SELENOP: variants seen among roughly 807,000 people sequenced by gnomAD.
SELENOP encodes selenoprotein P, plasma, 1.
Under a neutral mutation model 41.0 loss-of-function variants are expected in SELENOP, and 36 were observed. The observed-to-expected ratio is 0.88, with a 90% CI of 0.67 to 1.16. The LOEUF (loss-of-function observed/expected upper bound fraction) is 1.16. SELENOP is among the 50% of genes most tolerant of loss of function. The pLI is 0.00. For missense variants in SELENOP, 440 were observed against 454.2 expected, an observed-to-expected ratio of 0.97 and a Z score of 0.28; for synonymous variants, 144 against 150.8, an observed-to-expected ratio of 0.95 and a Z score of 0.33.
At chr5:42,809,642 A>G (rs1475585680) in intron 1 of SELENOP, 2 of 202,492 alleles carry the variant, frequency 9.9e-6, no homozygotes, top group Non-Finnish European at 1.8e-5. Flanking sequence ...GCCCAGAATT[A>G]AGAGAAGAAT....
At chr5:42,811,620 A>G (rs947137845) in intron 1 of SELENOP, among the ~76,000 whole-genome samples, 4 of 152,256 alleles carry the variant, frequency 2.6e-5, no homozygotes, top group Non-Finnish European at 4.4e-5. Flanking sequence ...AAGACAGGGC[A>G]GAAATCAAGA....
At position 42,807,031 on chromosome 5, in the gene SELENOP, A is replaced by G; in HGVS notation, c.281T>C (p.Ile94Thr). ...ATGTGTGTATTTTAATCGAGAAGAG[A>G]TTCCTTGATGATTAACAACAATATA... ...ISYIVVNHQG[I>T]SSRLKYTHLK... Residue 94 changes from isoleucine (I) to threonine (T), a missense_variant, in exon 3 of 5, where the codon ATC becomes ACC. Ile to Thr is a moderately conservative substitution (Grantham distance 89). Coordinates refer to ENST00000514985, the MANE Select transcript of SELENOP (RefSeq NM_005410.4). The G allele has an allele frequency of 1.9e-6, 3 of 1,581,502 alleles. No homozygotes were observed. The highest frequency in any genetic ancestry group is 2.6e-6 in the Non-Finnish European group (3 of 1,151,798).
chr5:42,808,177 T>C lies in SELENOP; in HGVS notation c.177A>G (p.Sec59Trp). 1 of 1,562,028 alleles carries C rather than the reference T, an allele frequency of 6.4e-7. No individual in the cohort carries two copies. The highest frequency in any genetic ancestry group is 1.2e-5 in the South Asian group (1 of 82,118). ...TAGATGCCTGCAGTATGCACAGGTATCAGCTGGCTTGAAGAAGAGCAACCA... is the reference window on the plus strand; with the variant it reads ...TAGATGCCTGCAGTATGCACAGGTACCAGCTGGCTTGAAGAAGAGCAACCA... ...VTVVALLQAS[U>W]YLCILQASKL... The change falls in exon 2 of 5, where the codon TGA becomes TGG. Residue 59 changes from selenocysteine (U) to tryptophan (W), a missense_variant. Transcript: ENST00000514985.
At chr5:42,801,564 G>C (rs1043385044) in intron 4 of SELENOP, 2 of 461,022 alleles carry the variant, frequency 4.3e-6, no homozygotes, top group East Asian at 3.3e-5. Flanking sequence ...AGCAAATGAA[G>C]TAAACTGGCA....
rs1490723701 is a variant in SELENOP, at chr5:42,800,546, G to C, written c.*174C>G. 5 of 710,408 alleles carry C rather than the reference G, an allele frequency of 7.0e-6. No homozygotes were observed. The highest frequency in any genetic ancestry group is 6.6e-6 in the Non-Finnish European group (3 of 456,134). The allele number at this position is 710,408 out of a possible 1,614,324, so 44.0% of individuals were successfully genotyped here. The stretch of plus-strand genomic sequence containing the variant: ...TGCTCCATCATAAAAAATATGGTTT[G>C]AGTCAATATTTCTATGACATAAAAT... On this transcript the variant is annotated 3_prime_UTR_variant, in exon 5 of 5. Coordinates refer to ENST00000514985, the MANE Select transcript of SELENOP (RefSeq NM_005410.4).
Position 42,799,901 on chromosome 5 carries a change from A to C in SELENOP, c.*819T>G, listed in dbSNP as rs1692770228. ...GAAGTCAGCTTTAAGGTTTTTATTG[A>C]ATTTATTTGGACAAATCCGTACTGT... On this transcript the variant is annotated 3_prime_UTR_variant, in exon 5 of 5. Coordinates refer to ENST00000514985, the MANE Select transcript of SELENOP (RefSeq NM_005410.4). The C allele has an allele frequency of 3.5e-6, 4 of 1,127,920 alleles. No individual in the cohort carries two copies. Among genetic ancestry groups the C allele is most frequent in the Admixed American group, 2.6e-5 (1 of 37,758 alleles). 69.9% of individuals were successfully genotyped at this position (1,127,920 alleles called of 1,614,324 possible). A position where few individuals can be genotyped will look rare whatever the true frequency, so the allele number is the denominator to read the frequency against.
intron 1 of SELENOP, chr5:42,810,771 G>C (rs755324490): frequency 9.1e-7 from 1 of 1,103,568 alleles, no homozygotes; most frequent in South Asian, 2.3e-5. Flanking sequence ...AGCACATATT[G>C]CAAGTAGCTG....
intron 2 of SELENOP, chr5:42,807,944 A>G (rs924778705): frequency 1.2e-5 from 4 of 338,574 alleles, no homozygotes; most frequent in Non-Finnish European, 2.1e-5. Flanking sequence ...AGAAGAAAAA[A>G]TTTCCATAAC....
In SELENOP at chr5:42,801,220, G is replaced by T. The variant is rs1412755586; in HGVS notation, c.646C>A (p.Gln216Lys). The T allele has an allele frequency of 6.2e-7, 1 of 1,614,010 alleles. No homozygotes were observed. Among genetic ancestry groups the T allele is most frequent in the Non-Finnish European group, 8.5e-7 (1 of 1,180,024 alleles). ...GAAAGCTCACTGCTGCCAAGGTGCTGATGTCCATGATTGTGATGATGCTCA... is the reference window on the plus strand; with the variant it reads ...GAAAGCTCACTGCTGCCAAGGTGCTTATGTCCATGATTGTGATGATGCTCA... The part of the protein sequence containing the change: ...HHEHHHNHGH[Q>K]HLGSSELSEN... Residue 216 changes from glutamine to lysine, a missense_variant, in exon 5 of 5, where the codon CAG becomes AAG. Gln to Lys is a moderately conservative substitution (Grantham distance 53). Transcript: ENST00000514985.
At position 42,803,049 on chromosome 5, in the gene SELENOP, A is replaced by AT. The variant is rs984006208; in HGVS notation, c.534+1606dup. Among the ~76,000 whole-genome samples the AT allele has an allele frequency of 1.0e-3, 156 of 151,458 alleles. 1 individual carries two copies. The East Asian group carries it at 0.023, about 22-fold the overall frequency. On this transcript the variant is annotated intron_variant, in intron 4 of 4. Transcript: ENST00000514985. ...ACTGTATCCTACTTTAATTAGCAGC[A>AT]TTTTTTTTTCCTAAATACTACATAA...
intron 1 of SELENOP, among the ~76,000 whole-genome samples, chr5:42,808,754 C>CAA (rs771818679): frequency 1.4e-4 from 16 of 115,180 alleles, no homozygotes; most frequent in African/African-American, 3.9e-4. Context: ...TAAAATTATA[C>CAA]AAAAAAAAAA....
chr5:42,799,983 T>G lies in SELENOP; in HGVS notation c.*737A>C, dbSNP rs966231121. On this transcript the variant is annotated 3_prime_UTR_variant, in exon 5 of 5. Coordinates refer to ENST00000514985, the MANE Select transcript of SELENOP (RefSeq NM_005410.4). Reference sequence around the variant, plus strand: ...GTATTAACCATAAAGGAGGTCAGGTTTATAGGGTTTGGTTTACCTATTAAA... The same window carrying G: ...GTATTAACCATAAAGGAGGTCAGGTGTATAGGGTTTGGTTTACCTATTAAA... 4 of 564,678 alleles carry G rather than the reference T, an allele frequency of 7.1e-6. No individual in the cohort carries two copies. The highest frequency in any genetic ancestry group is 1.9e-5 in the African/African-American group (1 of 52,168). 35.0% of individuals were successfully genotyped at this position (564,678 alleles called of 1,614,324 possible). A position where few individuals can be genotyped will look rare whatever the true frequency, so the allele number is the denominator to read the frequency against.
chr5:42,808,311 G>A lies in SELENOP; in HGVS notation c.43C>T (p.Pro15Ser). The change falls in exon 2 of 5, where the codon CCA becomes TCA. Residue 15 changes from proline to serine, a missense_variant. Transcript: ENST00000514985. ...TCCTGGCTCTCTGTTCCTCCCGATG[G>A]GAGGAGACAGAGAGCCAGGGCAAGC... is the stretch of plus-strand genomic sequence containing the variant. ...LGLALALCLL[P>S]SGGTESQDQS... 1.4e-6 allele frequency: 2 copies of A among 1,476,890 alleles called. No homozygotes were observed. The highest frequency in any genetic ancestry group is 2.6e-5 in the Admixed American group (1 of 38,538). 91.5% of individuals were successfully genotyped at this position (1,476,890 alleles called of 1,614,324 possible).
In SELENOP at chr5:42,808,309, T is replaced by TCGC; in HGVS notation, c.44_45insGCG (p.Pro15_Ser16insArg). The TCGC allele has an allele frequency of 6.7e-7, 1 of 1,494,106 alleles. No homozygotes were observed. Among genetic ancestry groups the TCGC allele is most frequent in the African/African-American group, 1.4e-5 (1 of 69,342 alleles). 92.6% of individuals were successfully genotyped at this position (1,494,106 alleles called of 1,614,324 possible). ...GGTCCTGGCTCTCTGTTCCTCCCGA[T>TCGC]GGGAGGAGACAGAGAGCCAGGGCAA... is the stretch of plus-strand genomic sequence containing the variant. On this transcript the variant is annotated inframe_insertion, in exon 2 of 5. Transcript: ENST00000514985.
At chr5:42,804,211 C>T (rs1355973997) in intron 4 of SELENOP, among the ~76,000 whole-genome samples, 1 of 152,210 alleles carries the variant, frequency 6.6e-6, no homozygotes, top group Admixed American at 6.5e-5. Context: ...CCTGTAATCC[C>T]AGCACTTTGG....
intron 3 of SELENOP, chr5:42,805,816 G>C (rs1760318773): frequency 6.6e-6 from 1 of 152,086 alleles, no homozygotes; most frequent in African/African-American, 2.4e-5. Context: ...TCTTGGAATG[G>C]TGAACTCTTT....
Position 42,807,058 on chromosome 5 carries a change from G to C in SELENOP, c.254C>G (p.Ser85Cys). ...TCCTTGATGATTAACAACAATATAA[G>C]AAATATTAGAATATCCTTCTTTCTT... ...KLKKEGYSNISYIVVNHQGIS... is the reference protein window; with the variant it reads ...KLKKEGYSNICYIVVNHQGIS... The change falls in exon 3 of 5, where the codon TCT becomes TGT. Residue 85 changes from serine (S) to cysteine (C), a missense_variant. By Grantham distance (112) the Ser-to-Cys change is moderately radical. Transcript: ENST00000514985. 2 of 1,554,460 alleles carry C rather than the reference G, an allele frequency of 1.3e-6. No individual in the cohort carries two copies. The highest frequency in any genetic ancestry group is 1.8e-6 in the Non-Finnish European group (2 of 1,129,920).
intron 3 of SELENOP, chr5:42,805,290 T>C (rs1760307056): frequency 6.6e-6 from 1 of 152,360 alleles, no homozygotes; most frequent in African/African-American, 2.4e-5. Context: ...CATGTGGCAT[T>C]GTCAGAAATG....
intron 3 of SELENOP, chr5:42,805,024 C>T: frequency 7.9e-6 from 2 of 254,384 alleles, no homozygotes; most frequent in Non-Finnish European, 1.5e-5. Context: ...TATATAATAT[C>T]AAAAATGTCA....
Sources: allele counts gnomAD v4.1 joint callset (sites outside exome capture counted in the v4.1 genomes callset), GRCh38; gene constraint gnomAD v4.1.1; transcripts MANE v1.5; gene names NCBI Gene and HGNC (gene_info 2026-07-23, HGNC 2026-07-21).